The following DDX59 variants were observed in gnomAD, a reference collection of about 807,000 sequenced individuals.
DDX59 encodes the protein DEAD-box helicase 59.
A neutral mutation model predicts 51.9 loss-of-function variants in DDX59; 30 were observed. The observed-to-expected ratio is 0.58, with a 90% CI of 0.43 to 0.78. The LOEUF is 0.78. DDX59 is among the 30% of genes least tolerant of loss of function. The pLI is 0.00. For synonymous variants in DDX59, 255 were observed against 253.3 expected (o/e 1.01, Z -0.06); for missense variants, 672 against 730.8 (o/e 0.92, Z 0.93).
At chr1:200,654,362 G>A (rs1012990353) in intron 4 of DDX59, 16 of 151,982 alleles carry the variant, frequency 1.1e-4, no homozygotes, top group African/African-American at 3.9e-4. Flanking sequence ...GCAGTAAGCA[G>A]AGATTGCGCC....
At chr1:200,667,722 A>C (rs981494607) in intron 1 of DDX59, among the ~76,000 whole-genome samples, 1 of 152,232 alleles carries the variant, frequency 6.6e-6, no homozygotes, top group Non-Finnish European at 1.5e-5. Flanking sequence ...TGCTATTTTC[A>C]TAAGTAACAC....
chr1:200,654,196 G>A (rs375567243), intron 4 of DDX59, among the ~76,000 whole-genome samples: 26 of 152,180 alleles, frequency 1.7e-4, no homozygotes, highest in Middle Eastern at 3.4e-3. Context: ...GGCGGATCAC[G>A]AGGTCAGGAG....
intron 2 of DDX59, 55 bp downstream of exon 2, chr1:200,665,882 A>C: frequency 6.7e-7 from 1 of 1,502,102 alleles, no homozygotes; most frequent in South Asian, 1.4e-5. Context: ...AAACTTGGTA[A>C]ATACCTCACT....
At chr1:200,642,692 G>GTAAAGGGAAGGGCGCTGA (rs1661083486), downstream of DDX59, among the ~76,000 whole-genome samples, 2 of 152,222 alleles carry the variant, frequency 1.3e-5, no homozygotes, top group South Asian at 4.1e-4. Context: ...CGAGAGGGAA[G>GTAAAGGGAAGGGCGCTGA]TAAAGGGAAG....
intron 4 of DDX59, among the ~76,000 whole-genome samples, chr1:200,656,169 T>C (rs796747323): frequency 5.9e-5 from 9 of 152,142 alleles, no homozygotes; most frequent in African/African-American, 2.2e-4. Context: ...CTATCAGCCA[T>C]TGGCAAACTA....
Position 200,663,017 on chromosome 1 carries a change from T to G in DDX59, c.972+902A>C, listed in dbSNP as rs569552480. On this transcript the variant is annotated intron_variant, in intron 3 of 7. Coordinates refer to ENST00000331314, the MANE Select transcript of DDX59 (RefSeq NM_001031725.6). Reference sequence around the variant, plus strand: ...AAAACAACATTTTACAGGCTTTAAATCTGTCAGATAAATCTGATTTGACCT... The same window carrying G: ...AAAACAACATTTTACAGGCTTTAAAGCTGTCAGATAAATCTGATTTGACCT... 1.1e-4 allele frequency among the ~76,000 whole-genome samples: 16 copies of G among 152,350 alleles called. 1 individual carries two copies. In the South Asian group the frequency reaches 3.3e-3, roughly 32 times the overall value.
At position 200,666,681 on chromosome 1, in the gene DDX59, A is replaced by G; in HGVS notation, c.60T>C (p.Cys20=). Residue 20 remains cysteine (C), a synonymous_variant, in exon 2 of 8, where the codon TGT becomes TGC. Coordinates refer to ENST00000331314, the MANE Select transcript of DDX59 (RefSeq NM_001031725.6). The stretch of plus-strand genomic sequence containing the variant: ...GGTCTGGTTTAATTATCTTAGCCAC[A>G]CAACTTTTGCCATCATCATTAGCAT... ...KRNANDDGKS[C]VAKIIKPDPE... The G allele has an allele frequency of 6.2e-7, 1 of 1,614,160 alleles. No individual in the cohort carries two copies. The highest frequency in any genetic ancestry group is 8.5e-7 in the Non-Finnish European group (1 of 1,180,002).
chr1:200,661,331 A>C (rs1427113200), intron 3 of DDX59, among the ~76,000 whole-genome samples: 1 of 152,242 alleles, frequency 6.6e-6, no homozygotes, highest in Non-Finnish European at 1.5e-5. Flanking sequence ...GTGAAGAATG[A>C]GAAATTTACA....
intron 2 of DDX59, among the ~76,000 whole-genome samples, chr1:200,664,480 T>C (rs1400151984): frequency 2.0e-5 from 3 of 152,230 alleles, no homozygotes; most frequent in Admixed American, 6.5e-5. Context: ...CTTAGCTCTC[T>C]TGTGGATTCA....
At chr1:200,658,986 G>T (rs1334746012) in intron 4 of DDX59, 41 bp downstream of exon 4, 3 of 1,470,926 alleles carry the variant, frequency 2.0e-6, no homozygotes, top group South Asian at 1.2e-5. Flanking sequence ...TCCATAAATT[G>T]TGTAAAATCA....
intron 1 of DDX59, among the ~76,000 whole-genome samples, chr1:200,668,168 G>A (rs1662907539): frequency 6.6e-6 from 1 of 152,068 alleles, no homozygotes; most frequent in Non-Finnish European, 1.5e-5. Context: ...TTAGCCGGGC[G>A]TTGGCGGCAG....
intron 7 of DDX59, 132 bp downstream of exon 7, chr1:200,648,307 A>C: frequency 7.9e-7 from 1 of 1,265,880 alleles, no homozygotes. Context: ...ATGGCCTTCC[A>C]AAGTGCTGGG....
intron 7 of DDX59, among the ~76,000 whole-genome samples, chr1:200,644,807 A>G (rs1424024182): frequency 1.3e-5 from 2 of 151,192 alleles, no homozygotes; most frequent in Non-Finnish European, 2.9e-5. Context: ...GAGGCAAAAG[A>G]ATCGCTTGAA....
At chr1:200,663,767 TA>T (rs59213524) in intron 3 of DDX59, 151 bp downstream of exon 3, 38,274 of 583,240 alleles carry the variant, frequency 0.066, 37 homozygotes, top group East Asian at 0.097. Flanking sequence ...TAAAACAAAC[TA>T]AAAAAAAAAA....
At chr1:200,650,748 T>TA (rs1341943537) in intron 4 of DDX59, 72 bp from the exon 5 acceptor site, 7 of 1,320,054 alleles carry the variant, frequency 5.3e-6, no homozygotes, top group Admixed American at 5.7e-5. Flanking sequence ...AAAAGACTGA[T>TA]ATAATTAACA....
chr1:200,648,721 T>C (rs980453087), intron 6 of DDX59, among the ~76,000 whole-genome samples, 154 bp from the exon 7 acceptor site: 1 of 152,266 alleles, frequency 6.6e-6, no homozygotes, highest in Non-Finnish European at 1.5e-5. Context: ...GAAAAATGTA[T>C]GCAGCTAAAA....
At chr1:200,661,727 T>C (rs1222674208) in intron 3 of DDX59, among the ~76,000 whole-genome samples, 1 of 152,230 alleles carries the variant, frequency 6.6e-6, no homozygotes, top group Admixed American at 6.5e-5. Context: ...GGAACAATTA[T>C]AAAAATGTGA....
rs904886878 is a variant in DDX59 at position 200,644,362 on chromosome 1, C to T, written c.1752G>A (p.Gln584=). The T allele has an allele frequency of 1.5e-5, 25 of 1,613,312 alleles. No individual in the cohort carries two copies. Among genetic ancestry groups the T allele is most frequent in the Non-Finnish European group, 1.8e-5 (21 of 1,179,674 alleles). Residue 584 remains glutamine (Q), a synonymous_variant, in exon 8 of 8, where the codon CAG becomes CAA. Coordinates refer to ENST00000331314, the MANE Select transcript of DDX59 (RefSeq NM_001031725.6). ...QLLNSPYLHD[Q]KRKEQQKDKQ... ...TATCTTTCTGTTGTTCCTTTCTCTT[C>T]TGGTCATGAAGGTATGGGGAATTTA...
At chr1:200,667,675 G>C (rs1558134099) in intron 1 of DDX59, among the ~76,000 whole-genome samples, 1 of 152,078 alleles carries the variant, frequency 6.6e-6, no homozygotes, top group African/African-American at 2.4e-5. Flanking sequence ...TTCACAATTA[G>C]AATCTTTAAA....
Sources: gnomAD v4.1 joint callset for allele counts (sites outside exome capture counted in the v4.1 genomes callset) on GRCh38, gnomAD v4.1.1 for gene constraint, MANE v1.5 for transcripts, NCBI Gene and HGNC (gene_info 2026-07-23, HGNC 2026-07-21) for gene names.